Variants in TBCD observed in about 807,000 individuals in gnomAD.
TBCD encodes tubulin-specific chaperone D.
A neutral mutation model predicts 169.3 loss-of-function variants in TBCD; 105 were observed. The observed-to-expected ratio is 0.62, with a 90% CI of 0.53 to 0.73. The LOEUF is 0.73. Ranked by LOEUF, TBCD falls within the 30% of genes least tolerant of loss-of-function variation. The pLI is 0.00. For synonymous variants in TBCD, 700 were observed against 643.9 expected (o/e 1.09, Z -1.32); for missense variants, 1,444 against 1,600.1 (o/e 0.90, Z 1.66).
chr17:82,885,109 C>T (rs1410348873), intron 15 of TBCD, among the ~76,000 whole-genome samples: 2 of 152,148 alleles, frequency 1.3e-5, no homozygotes, highest in African/African-American at 4.8e-5. Flanking sequence ...CTCCCTGATA[C>T]TGTCAGACTT....
chr17:82,767,578 A>G (rs771260213), intron 4 of TBCD, among the ~76,000 whole-genome samples: 3 of 151,890 alleles, frequency 2.0e-5, no homozygotes, highest in Admixed American at 6.6e-5. Context: ...AGTAGCTGGG[A>G]TTACAGGCAT....
At chr17:82,885,501 A>G (rs1599215105) in intron 15 of TBCD, among the ~76,000 whole-genome samples, 1 of 152,294 alleles carries the variant, frequency 6.6e-6, no homozygotes, top group Admixed American at 6.5e-5. Flanking sequence ...CTGTCCCTGA[A>G]GCTGCTCTTA....
Position 82,752,126 on chromosome 17 carries a change from C to T in TBCD, c.-68C>T, listed in dbSNP as rs554919706. Reference sequence around the variant, plus strand: ...TTCATCCCTCATCCTTCATCCCTGGCTTTCGCGCTCTAGCGGAGTGGGATC... The same window carrying T: ...TTCATCCCTCATCCTTCATCCCTGGTTTTCGCGCTCTAGCGGAGTGGGATC... On this transcript the variant is annotated 5_prime_UTR_variant, in exon 1 of 39. Transcript: ENST00000355528. 190 of 1,411,058 alleles carry T rather than the reference C, an allele frequency of 1.3e-4. No homozygotes were observed. In the Admixed American group the frequency reaches 1.5e-3, roughly 11 times the overall value. The allele number at this position is 1,411,058 out of a possible 1,614,324, so 87.4% of individuals were successfully genotyped here. A position where few individuals can be genotyped will look rare whatever the true frequency, so the allele number is the denominator to read the frequency against.
intron 7 of TBCD, among the ~76,000 whole-genome samples, chr17:82,794,306 G>A (rs552352389): frequency 6.6e-6 from 1 of 152,336 alleles, no homozygotes; most frequent in African/African-American, 2.4e-5. Flanking sequence ...TGGGTGGGTA[G>A]CCATCGAAAG....
In TBCD at chr17:82,801,054, G is replaced by C. The variant is rs375519186; in HGVS notation, c.950+58G>C. The stretch of plus-strand genomic sequence containing the variant: ...CCACGGGGTGGGGAGGGGTTGCTGT[G>C]GGGGGCAGGCGCCATTGATGAGGGC... On this transcript the variant is annotated intron_variant, in intron 9 of 38. Coordinates refer to ENST00000355528, the MANE Select transcript of TBCD (RefSeq NM_005993.5). The C allele has an allele frequency of 2.0e-5, 31 of 1,524,764 alleles. No individual in the cohort carries two copies. The African/African-American group carries it at 2.4e-4, about 12-fold the overall frequency. The allele number at this position is 1,524,764 out of a possible 1,614,324, so 94.5% of individuals were successfully genotyped here. A position where few individuals can be genotyped will look rare whatever the true frequency, so the allele number is the denominator to read the frequency against.
rs74002503 is a variant in TBCD, at chr17:82,802,250, T to G, written c.950+1254T>G. Among the ~76,000 whole-genome samples the G allele has an allele frequency of 9.7e-3, 1,475 of 151,758 alleles. 21 individuals carry two copies. Among genetic ancestry groups the G allele is most frequent in the African/African-American group, 0.033 (1,364 of 41,370 alleles). Reference sequence around the variant, plus strand: ...CTAGTGTTCTTAGGGTGCTGTGTGTTAGCGACCTTCAGTTTGTTTCAAGTG... The same window carrying G: ...CTAGTGTTCTTAGGGTGCTGTGTGTGAGCGACCTTCAGTTTGTTTCAAGTG... On this transcript the variant is annotated intron_variant, in intron 9 of 38. Coordinates refer to ENST00000355528, the MANE Select transcript of TBCD (RefSeq NM_005993.5).
chr17:82,763,199 T>C (rs555986558), intron 2 of TBCD, among the ~76,000 whole-genome samples: 4 of 152,336 alleles, frequency 2.6e-5, no homozygotes, highest in Admixed American at 1.3e-4. Flanking sequence ...TCTGTGCTTA[T>C]TTTGAAGCTC....
Position 82,782,577 on chromosome 17 carries a change from A to C in TBCD, c.771+856A>C, listed in dbSNP as rs1263683556. On this transcript the variant is annotated intron_variant, in intron 7 of 38. Coordinates refer to ENST00000355528, the MANE Select transcript of TBCD (RefSeq NM_005993.5). The surrounding 1 kb of genome is among the most constrained non-coding windows in gnomAD (Gnocchi z 5.1). Reference sequence around the variant, plus strand: ...GGGTGGTCTTAAACTCCTGGCCTCAAGTGATCCTCCTGCCTTTGTGATGAT... The same window carrying C: ...GGGTGGTCTTAAACTCCTGGCCTCACGTGATCCTCCTGCCTTTGTGATGAT... Among the ~76,000 whole-genome samples the C allele has an allele frequency of 1.3e-5, 2 of 152,168 alleles. No individual in the cohort carries two copies. Among genetic ancestry groups the C allele is most frequent in the Admixed American group, 6.5e-5 (1 of 15,270 alleles).
At chr17:82,779,039 G>A (rs1010896870) in intron 6 of TBCD, among the ~76,000 whole-genome samples, 1 of 149,020 alleles carries the variant, frequency 6.7e-6, no homozygotes, top group South Asian at 2.1e-4. Flanking sequence ...TTTTTACGGG[G>A]TCTTGCTCTG....
At chr17:82,869,642 C>T (rs1004919463) in intron 13 of TBCD, among the ~76,000 whole-genome samples, 1 of 152,254 alleles carries the variant, frequency 6.6e-6, no homozygotes, top group African/African-American at 2.4e-5. Flanking sequence ...GGCTGTTTTG[C>T]ATAGGAGCCC....
rs971594964 is a variant in TBCD, at chr17:82,752,087, G to C, written c.-107G>C. ...GGGGCCAGCGTCGGTTGCCGCCTTA[G>C]CGGGCGCCTCCTTTTCATCCCTCAT... On this transcript the variant is annotated 5_prime_UTR_variant, in exon 1 of 39. Transcript: ENST00000355528. 3 of 1,255,626 alleles carry C rather than the reference G, an allele frequency of 2.4e-6. No individual in the cohort carries two copies. Among genetic ancestry groups the C allele is most frequent in the African/African-American group, 3.2e-5 (2 of 62,786 alleles). The allele number at this position is 1,255,626 out of a possible 1,614,324, so 77.8% of individuals were successfully genotyped here. A position where few individuals can be genotyped will look rare whatever the true frequency, so the allele number is the denominator to read the frequency against.
intron 13 of TBCD, among the ~76,000 whole-genome samples, chr17:82,824,154 C>T (rs1598728969): frequency 1.3e-5 from 2 of 151,644 alleles, no homozygotes; most frequent in Non-Finnish European, 2.9e-5. Flanking sequence ...ATGGACATAC[C>T]ATATATTTAT....
chr17:82,826,591 T>C (rs1419052922), intron 13 of TBCD, among the ~76,000 whole-genome samples: 2 of 151,860 alleles, frequency 1.3e-5, no homozygotes, highest in East Asian at 3.9e-4. Context: ...AATTTTTGTA[T>C]TTTTTGTAGG....
At chr17:82,826,894 GCCT>G (rs1211255136) in intron 13 of TBCD, among the ~76,000 whole-genome samples, 2 of 152,138 alleles carry the variant, frequency 1.3e-5, no homozygotes, top group Non-Finnish European at 2.9e-5. Context: ...TCCCGCCTCA[GCCT>G]CCCAAGTAGC....
chr17:82,874,679 G>T lies in TBCD; in HGVS notation c.1475+4299G>T, dbSNP rs1391161877. ...GGCCCACGCAGACTCCAGGCATCCGGCCGGGCGGGCTGTGAGTCAGGCTGC... is the reference window on the plus strand; with the variant it reads ...GGCCCACGCAGACTCCAGGCATCCGTCCGGGCGGGCTGTGAGTCAGGCTGC... On this transcript the variant is annotated intron_variant, in intron 14 of 38. Coordinates refer to ENST00000355528, the MANE Select transcript of TBCD (RefSeq NM_005993.5). The surrounding 1 kb of genome is among the most constrained non-coding windows in gnomAD (Gnocchi z 5.0). 6.6e-6 allele frequency among the ~76,000 whole-genome samples: 1 copy of T among 152,210 alleles called. No individual in the cohort carries two copies. The highest frequency in any genetic ancestry group is 2.4e-5 in the African/African-American group (1 of 41,442).
At chr17:82,839,344 C>T (rs1410001569) in intron 13 of TBCD, among the ~76,000 whole-genome samples, 1 of 151,706 alleles carries the variant, frequency 6.6e-6, no homozygotes, top group Non-Finnish European at 1.5e-5. Flanking sequence ...GTACATATAC[C>T]ACACACACAT....
chr17:82,881,033 C>T (rs577832934), intron 14 of TBCD, among the ~76,000 whole-genome samples: 1,888 of 152,296 alleles, frequency 0.012, 22 homozygotes, highest in Middle Eastern at 0.017. Flanking sequence ...GGAAGGGCCT[C>T]CCCCAGCCCT....
chr17:82,835,086 T>C lies in TBCD; in HGVS notation c.1318+20152T>C, dbSNP rs1308812666. Among the ~76,000 whole-genome samples, 3 of 152,034 alleles carry C rather than the reference T, an allele frequency of 2.0e-5. No homozygotes were observed. The highest frequency in any genetic ancestry group is 4.4e-5 in the Non-Finnish European group (3 of 67,994). On this transcript the variant is annotated intron_variant, in intron 13 of 38. Coordinates refer to ENST00000355528, the MANE Select transcript of TBCD (RefSeq NM_005993.5). The surrounding 1 kb of genome is among the most constrained non-coding windows in gnomAD (Gnocchi z 4.5). ...GCCTCAAAAAAAAGCTAAATGGAAA[T>C]GACTTAAGAAAACTGTTTCAACTGC...
At chr17:82,870,107 G>A (rs1013436866) in intron 13 of TBCD, 117 bp from the exon 14 acceptor site, 19 of 1,411,460 alleles carry the variant, frequency 1.3e-5, no homozygotes, top group East Asian at 9.3e-5. Flanking sequence ...TGTCGCTTGC[G>A]TGCCTCACTC....
Sources: gnomAD v4.1 joint callset for allele counts (sites outside exome capture counted in the v4.1 genomes callset) on GRCh38, gnomAD v4.1.1 for gene constraint, Gnocchi (gnomAD v3.1) non-coding constraint, MANE v1.5 for transcripts, NCBI Gene and HGNC (gene_info 2026-07-23, HGNC 2026-07-21) for gene names.